The following DPP6 variants were observed in gnomAD, a reference collection of about 807,000 sequenced individuals.
DPP6 encodes the protein dipeptidyl peptidase like 6.
DPP6 carries 69 observed loss-of-function variants against 122.6 expected under a neutral mutation model. The ratio of observed to expected loss-of-function variants is 0.56; its 90% CI spans 0.46 to 0.69. The LOEUF is 0.69. Among genes scored for constraint, DPP6 ranks in the 30% least tolerant of loss-of-function variants. DPP6 has a pLI of 0.00. For missense variants in DPP6, 928 were observed against 1,116.9 expected (o/e 0.83, Z 2.41); for synonymous variants, 418 against 433.1 (o/e 0.97, Z 0.43).
intron 1 of DPP6, among the ~76,000 whole-genome samples, chr7:154,085,532 A>G (rs971923061): frequency 6.6e-6 from 1 of 152,202 alleles, no homozygotes; most frequent in African/African-American, 2.4e-5. Context: ...CTGAACGAAC[A>G]CAGTAAGTTC....
At chr7:154,228,464 T>G (rs1445188608) in intron 1 of DPP6, among the ~76,000 whole-genome samples, 2 of 152,232 alleles carry the variant, frequency 1.3e-5, no homozygotes, top group Non-Finnish European at 2.9e-5. Context: ...TAGGTCATTA[T>G]TTTATCTTGA....
chr7:154,497,067 C>G (rs561830892), intron 3 of DPP6, among the ~76,000 whole-genome samples: 1 of 151,264 alleles, frequency 6.6e-6, no homozygotes, highest in East Asian at 1.9e-4. Flanking sequence ...TCCCTCCCCC[C>G]ATGAACCATT....
chr7:153,888,131 C>T (rs944166655), intron 1 of DPP6, among the ~76,000 whole-genome samples: 3 of 152,108 alleles, frequency 2.0e-5, no homozygotes, highest in African/African-American at 7.2e-5. Context: ...CCACTGGGCC[C>T]TGGCGCCCGC....
intron 1 of DPP6, among the ~76,000 whole-genome samples, chr7:154,330,235 T>C (rs1437420269): frequency 6.6e-6 from 1 of 152,210 alleles, no homozygotes; most frequent in Admixed American, 6.5e-5. Context: ...GAGATGCAAT[T>C]CTTAACTGTA....
chr7:153,887,472 A>G, exon 1 of DPP6: 2 of 495,220 alleles, frequency 4.0e-6, no homozygotes, highest in South Asian at 3.9e-5. Context: ...GTAGCGGCCA[A>G]AAAGAGTTGA....
At position 154,760,172 on chromosome 7, in the gene DPP6, T is replaced by C. The variant is rs1795444752; in HGVS notation, c.884-9245T>C. On this transcript the variant is annotated intron_variant, in intron 8 of 25. Transcript: ENST00000377770. This position sits in a 1 kb window ranked among gnomAD's most constrained non-coding sequence, Gnocchi z 4.5. ...AGGAGACAGGCATCCAGCTCAACTC[T>C]GCCTCCCTGTGCTGGCTTCAAGGCA... 6.6e-6 allele frequency among the ~76,000 whole-genome samples: 1 copy of C among 152,180 alleles called. No homozygotes were observed. Among genetic ancestry groups the C allele is most frequent in the Non-Finnish European group, 1.5e-5 (1 of 68,028 alleles).
intron 16 of DPP6, among the ~76,000 whole-genome samples, chr7:154,808,079 T>C (rs1197853027): frequency 1.3e-5 from 2 of 152,100 alleles, no homozygotes; most frequent in African/African-American, 2.4e-5. Flanking sequence ...CAAAATATGA[T>C]CTCCTGCGAT....
At chr7:154,564,933 AT>A (rs1246468052) in intron 4 of DPP6, among the ~76,000 whole-genome samples, 3 of 152,056 alleles carry the variant, frequency 2.0e-5, no homozygotes, top group South Asian at 2.1e-4. Context: ...TTGGTGCTCC[AT>A]TTTTTTGCAT....
intron 1 of DPP6, among the ~76,000 whole-genome samples, chr7:154,341,526 C>T (rs905067396): frequency 3.3e-5 from 5 of 151,858 alleles, no homozygotes; most frequent in Non-Finnish European, 5.9e-5. Context: ...TACTTCTTGA[C>T]TGTCCAAAAA....
intron 5 of DPP6, among the ~76,000 whole-genome samples, chr7:154,585,873 G>T (rs576047417): frequency 1.3e-5 from 2 of 152,112 alleles, no homozygotes; most frequent in African/African-American, 4.8e-5. Flanking sequence ...GCTTTGGGGC[G>T]GGAGCCTACA....
chr7:153,889,671 C>T (rs1465763404), intron 1 of DPP6, among the ~76,000 whole-genome samples: 1 of 152,208 alleles, frequency 6.6e-6, no homozygotes, highest in Non-Finnish European at 1.5e-5. Flanking sequence ...TTTCTCTCTT[C>T]TGCTCTGAAT....
rs570577109 is a variant in DPP6, at chr7:154,089,265, A to AT, written c.243+36209dup. On this transcript the variant is annotated intron_variant, in intron 1 of 25. Coordinates refer to ENST00000377770, the MANE Select transcript of DPP6 (RefSeq NM_130797.4). Reference sequence around the variant, plus strand: ...GGAATGCGAGTCTCCAGGAATTGTGATTTTTTTCTTTCGTTTAAGACGTTC... The same window carrying AT: ...GGAATGCGAGTCTCCAGGAATTGTGATTTTTTTTCTTTCGTTTAAGACGTTC... Among the ~76,000 whole-genome samples the AT allele has an allele frequency of 2.3e-3, 343 of 150,432 alleles. 3 individuals are homozygous for AT. The highest frequency in any genetic ancestry group is 7.8e-3 in the African/African-American group (317 of 40,838).
intron 1 of DPP6, among the ~76,000 whole-genome samples, chr7:153,888,813 A>T (rs1799063619): frequency 6.7e-6 from 1 of 149,292 alleles, no homozygotes; most frequent in South Asian, 2.1e-4. Flanking sequence ...AGGGTTCCGT[A>T]AGAATTGAAG....
At chr7:154,349,269 A>G (rs1453365489) in intron 1 of DPP6, among the ~76,000 whole-genome samples, 1 of 152,174 alleles carries the variant, frequency 6.6e-6, no homozygotes, top group African/African-American at 2.4e-5. Flanking sequence ...TCCACTTCCC[A>G]GGTTCAAGTG....
intron 1 of DPP6, among the ~76,000 whole-genome samples, chr7:153,983,169 G>C (rs1177628427): frequency 6.6e-6 from 1 of 152,232 alleles, no homozygotes; most frequent in Non-Finnish European, 1.5e-5. Flanking sequence ...CAAAGGTGCT[G>C]TGTCTCAGGG....
At chr7:154,449,533 C>T (rs146279175) in intron 2 of DPP6, among the ~76,000 whole-genome samples, 16 of 152,178 alleles carry the variant, frequency 1.1e-4, no homozygotes, top group African/African-American at 3.6e-4. Context: ...CAGTAGTTCT[C>T]CTAAAAGTTA....
intron 2 of DPP6, among the ~76,000 whole-genome samples, chr7:154,468,483 G>A (rs1035509631): frequency 2.0e-5 from 3 of 152,188 alleles, no homozygotes; most frequent in Non-Finnish European, 2.9e-5. Flanking sequence ...TCTAATAAAG[G>A]TGTCAAGAAA....
intron 16 of DPP6, among the ~76,000 whole-genome samples, chr7:154,846,487 G>C (rs1171390888): frequency 3.3e-5 from 5 of 152,220 alleles, no homozygotes; most frequent in Admixed American, 3.3e-4. Flanking sequence ...TTAGCGGAAA[G>C]TCAGCTTCCT....
At position 154,266,788 on chromosome 7, in the gene DPP6, C is replaced by T. The variant is rs938125526; in HGVS notation, c.244-179426C>T. On this transcript the variant is annotated intron_variant, in intron 1 of 25. Coordinates refer to ENST00000377770, the MANE Select transcript of DPP6 (RefSeq NM_130797.4). ...TGAGGACCCTGGGGGTACCCAGCAC[C>T]TTTCTTAGGACATCTAGAAAGTCAA... Among the ~76,000 whole-genome samples, 24 of 152,272 alleles carry T rather than the reference C, an allele frequency of 1.6e-4. 1 individual carries two copies. The highest frequency in any genetic ancestry group is 4.3e-4 in the African/African-American group (18 of 41,560).
Sources: allele counts gnomAD v4.1 joint callset (sites outside exome capture counted in the v4.1 genomes callset), GRCh38; gene constraint gnomAD v4.1.1; non-coding constraint Gnocchi (gnomAD v3.1); transcripts MANE v1.5; gene names NCBI Gene and HGNC (gene_info 2026-07-23, HGNC 2026-07-21).